NRG3: variants seen among roughly 807,000 people sequenced by gnomAD.
NRG3 encodes the protein pro-neuregulin-3, membrane-bound isoform.
A neutral mutation model predicts 66.9 loss-of-function variants in NRG3; 31 were observed. The observed-to-expected ratio is 0.46, with a 90% CI of 0.35 to 0.63. The LOEUF is 0.63. NRG3 is among the 20% of genes least tolerant of loss of function. The probability of loss-of-function intolerance (pLI) is 0.00; values close to 1 mark genes in which losing one functional copy is unlikely to be tolerated. For synonymous variants in NRG3, 393 were observed against 359.4 expected (o/e 1.09, Z -1.06); for missense variants, 910 against 878.9 (o/e 1.04, Z -0.45).
intron 1 of NRG3, among the ~76,000 whole-genome samples, chr10:81,938,397 T>C (rs1848089204): frequency 6.6e-6 from 1 of 151,618 alleles, no homozygotes; most frequent in South Asian, 2.1e-4. Context: ...TGTGTGTTTT[T>C]TTTTTTCCAG....
chr10:82,778,551 C>T (rs1295846660), intron 3 of NRG3, among the ~76,000 whole-genome samples: 9 of 152,172 alleles, frequency 5.9e-5, no homozygotes, highest in Admixed American at 5.2e-4. Context: ...GGGGGAACCG[C>T]CCCTACGATC....
chr10:82,707,018 A>AATATAT (rs10682579), intron 2 of NRG3, among the ~76,000 whole-genome samples: 45 of 141,312 alleles, frequency 3.2e-4, no homozygotes, highest in African/African-American at 1.1e-3. Flanking sequence ...AAATAAAATA[A>AATATAT]ATATATATAT....
chr10:81,985,009 TATGCA>T (rs1270226255), intron 1 of NRG3, among the ~76,000 whole-genome samples: 1 of 152,308 alleles, frequency 6.6e-6, no homozygotes, highest in East Asian at 1.9e-4. Context: ...GGAAACACAG[TATGCA>T]AAGATTTACA....
intron 1 of NRG3, among the ~76,000 whole-genome samples, chr10:82,321,608 C>T (rs2081583166): frequency 6.6e-6 from 1 of 152,106 alleles, no homozygotes; most frequent in African/African-American, 2.4e-5. Flanking sequence ...TGGGTTTTGA[C>T]AAGATAGGGG....
At chr10:82,547,515 T>C (rs1232145808) in intron 2 of NRG3, among the ~76,000 whole-genome samples, 1 of 150,442 alleles carries the variant, frequency 6.6e-6, no homozygotes, top group East Asian at 1.9e-4. Context: ...ATATATTCCA[T>C]ATATAGTGTG....
chr10:81,927,735 C>T (rs1419415059), intron 1 of NRG3, among the ~76,000 whole-genome samples: 1 of 152,068 alleles, frequency 6.6e-6, no homozygotes, highest in Non-Finnish European at 1.5e-5. Flanking sequence ...ATTCTAAGCC[C>T]CTCAACTGAC....
intron 1 of NRG3, among the ~76,000 whole-genome samples, chr10:81,922,116 A>G (rs957050720): frequency 1.3e-5 from 2 of 152,180 alleles, no homozygotes; most frequent in African/African-American, 4.8e-5. Context: ...TAAATTAGGA[A>G]TCAATGTTGA....
At chr10:82,189,771 C>A (rs1239219998) in intron 1 of NRG3, among the ~76,000 whole-genome samples, 4 of 151,638 alleles carry the variant, frequency 2.6e-5, no homozygotes, top group Non-Finnish European at 4.4e-5. Context: ...GCCTGGGTGA[C>A]AGAGCAAGAC....
intron 3 of NRG3, among the ~76,000 whole-genome samples, chr10:82,803,905 A>T (rs941833045): frequency 6.6e-6 from 1 of 152,224 alleles, no homozygotes; most frequent in Admixed American, 6.5e-5. Context: ...GTCCAAAAAT[A>T]TTAAGTGGAC....
intron 3 of NRG3, among the ~76,000 whole-genome samples, chr10:82,862,907 T>C (rs1037442331): frequency 3.3e-5 from 5 of 152,212 alleles, no homozygotes; most frequent in Admixed American, 1.3e-4. Flanking sequence ...GTTTGTTACA[T>C]AGGTATACAT....
intron 3 of NRG3, among the ~76,000 whole-genome samples, chr10:82,754,538 GAA>G (rs5786572): frequency 0.022 from 2,596 of 118,146 alleles, 67 homozygotes; most frequent in African/African-American, 0.064. Flanking sequence ...GGGGGGAAAA[GAA>G]AAAAAAAAAA....
intron 2 of NRG3, among the ~76,000 whole-genome samples, chr10:82,662,712 A>G (rs2052461049): frequency 6.6e-6 from 1 of 152,196 alleles, no homozygotes. Context: ...AGGGAGCATA[A>G]CATTTAGATC....
chr10:82,300,028 G>GCA (rs144508818), intron 1 of NRG3, among the ~76,000 whole-genome samples: 55 of 150,926 alleles, frequency 3.6e-4, no homozygotes, highest in Admixed American at 1.6e-3. Flanking sequence ...ACGTGTACAC[G>GCA]CACACACACA....
intron 1 of NRG3, among the ~76,000 whole-genome samples, chr10:82,324,054 G>A (rs535641000): frequency 2.6e-5 from 4 of 151,872 alleles, no homozygotes; most frequent in Non-Finnish European, 5.9e-5. Flanking sequence ...TTGTAGAGAC[G>A]GGGTTTCACC....
At chr10:82,567,753 G>T (rs1214278919) in intron 2 of NRG3, among the ~76,000 whole-genome samples, 1 of 151,910 alleles carries the variant, frequency 6.6e-6, no homozygotes, top group African/African-American at 2.4e-5. Flanking sequence ...TGCTGGTACT[G>T]CTTCCAAATG....
In NRG3 at chr10:82,828,105, C is replaced by T. The variant is rs946795993; in HGVS notation, c.1028-37306C>T. On this transcript the variant is annotated intron_variant, in intron 3 of 8. Transcript: ENST00000372141. ...TGGCTGTCTTCTGCATGAGCTGTTC[C>T]GAGACCCACTAAAATTGGCCAGGGT... Among the ~76,000 whole-genome samples the T allele has an allele frequency of 2.2e-4, 33 of 151,986 alleles. 1 individual carries two copies. The highest frequency in any genetic ancestry group is 1.9e-4 in the East Asian group (1 of 5,170).
At chr10:82,695,238 G>C (rs1311073447) in intron 2 of NRG3, among the ~76,000 whole-genome samples, 1 of 151,992 alleles carries the variant, frequency 6.6e-6, no homozygotes, top group Non-Finnish European at 1.5e-5. Flanking sequence ...ATCTGACCTA[G>C]TAATTCCTAA....
chr10:82,216,359 A>C (rs993559231), intron 1 of NRG3, among the ~76,000 whole-genome samples: 83 of 151,976 alleles, frequency 5.5e-4, no homozygotes, highest in African/African-American at 1.9e-3. Context: ...AAGTGTGGAA[A>C]ATCAATGACC....
intron 1 of NRG3, among the ~76,000 whole-genome samples, chr10:82,250,667 G>A (rs187991647): frequency 6.6e-6 from 1 of 152,294 alleles, no homozygotes; most frequent in East Asian, 1.9e-4. Flanking sequence ...TTGCTTGACT[G>A]TCTAGGGCTG....
Sources: gnomAD v4.1 joint callset for allele counts (sites outside exome capture counted in the v4.1 genomes callset) on GRCh38, gnomAD v4.1.1 for gene constraint, MANE v1.5 for transcripts, NCBI Gene and HGNC (gene_info 2026-07-23, HGNC 2026-07-21) for gene names.